DPP6: variants seen among roughly 807,000 people sequenced by gnomAD.
DPP6 encodes A-type potassium channel modulatory protein DPP6.
Under a neutral mutation model 122.6 loss-of-function variants are expected in DPP6, and 69 were observed. The ratio of observed to expected loss-of-function variants is 0.56; its 90% confidence interval spans 0.46 to 0.69. DPP6 has a LOEUF of 0.69. DPP6 is among the 30% of genes least tolerant of loss of function. The probability of loss-of-function intolerance (pLI) is 0.00; values close to 1 mark genes in which losing one functional copy is unlikely to be tolerated. For synonymous variants in DPP6, 418 were observed against 433.1 expected (o/e 0.97, Z 0.43); for missense variants, 928 against 1,116.9 (o/e 0.83, Z 2.41).
intron 1 of DPP6, among the ~76,000 whole-genome samples, chr7:153,953,035 G>A (rs1341842356): frequency 6.6e-6 from 1 of 152,134 alleles, no homozygotes; most frequent in Non-Finnish European, 1.5e-5. Flanking sequence ...GAAGGTGGGA[G>A]GAAGGGAGAT....
At chr7:154,110,467 T>C (rs2533699) in intron 1 of DPP6, among the ~76,000 whole-genome samples, 4 of 152,128 alleles carry the variant, frequency 2.6e-5, no homozygotes, top group African/African-American at 7.2e-5. Context: ...GCGGTGAATA[T>C]ACAATAACAG....
intron 5 of DPP6, among the ~76,000 whole-genome samples, chr7:154,627,876 G>T (rs775294984): frequency 1.2e-4 from 19 of 152,208 alleles, no homozygotes; most frequent in African/African-American, 4.3e-4. Context: ...TCTTGGGAAG[G>T]GGGCAGTGTG....
intron 20 of DPP6, among the ~76,000 whole-genome samples, chr7:154,878,961 T>C (rs1805113275): frequency 6.6e-6 from 1 of 152,194 alleles, no homozygotes; most frequent in Non-Finnish European, 1.5e-5. Context: ...CCCAAAATAT[T>C]GAGACCTGCT....
At chr7:154,872,580 C>A in intron 18 of DPP6, 44 bp from the exon 19 acceptor site, 1 of 1,564,050 alleles carries the variant, frequency 6.4e-7, no homozygotes. Context: ...TACCCCGTGG[C>A]CAGCATTGCC....
At chr7:154,199,788 A>G (rs990505725) in intron 1 of DPP6, among the ~76,000 whole-genome samples, 15 of 151,896 alleles carry the variant, frequency 9.9e-5, no homozygotes, top group Non-Finnish European at 2.2e-4. Flanking sequence ...TTGTGCTTTT[A>G]GTAGAGACAG....
chr7:154,375,961 C>T (rs1215285352), intron 1 of DPP6, among the ~76,000 whole-genome samples: 1 of 152,186 alleles, frequency 6.6e-6, no homozygotes, highest in African/African-American at 2.4e-5. Flanking sequence ...CCTCGAGGGG[C>T]CCAGCTAGGT....
At chr7:153,934,742 G>C (rs1168863472) in intron 1 of DPP6, among the ~76,000 whole-genome samples, 1 of 152,102 alleles carries the variant, frequency 6.6e-6, no homozygotes, top group African/African-American at 2.4e-5. Flanking sequence ...ACCTTGTTTT[G>C]CTACAAAACC....
chr7:154,022,971 A>G (rs1303508790), intron 1 of DPP6, among the ~76,000 whole-genome samples: 2 of 152,176 alleles, frequency 1.3e-5, no homozygotes, highest in African/African-American at 4.8e-5. Flanking sequence ...AAGGGTCAGT[A>G]CAAAGCCAAT....
intron 1 of DPP6, among the ~76,000 whole-genome samples, chr7:154,233,439 C>T (rs1377630741): frequency 6.6e-6 from 1 of 152,272 alleles, no homozygotes. Flanking sequence ...ATGTTGAAGT[C>T]CTAACCCCCG....
intron 19 of DPP6, among the ~76,000 whole-genome samples, chr7:154,874,744 C>A (rs1804706667): frequency 6.6e-6 from 1 of 152,178 alleles, no homozygotes; most frequent in African/African-American, 2.4e-5. Context: ...CCCTGCTGTT[C>A]CAGGGAGGCA....
intron 17 of DPP6, among the ~76,000 whole-genome samples, chr7:154,859,072 C>A (rs1243801099): frequency 6.6e-6 from 1 of 152,212 alleles, no homozygotes; most frequent in African/African-American, 2.4e-5. Context: ...CCCCAGACCC[C>A]AAGACCCAGG....
At chr7:153,983,137 T>C (rs1796675136) in intron 1 of DPP6, among the ~76,000 whole-genome samples, 1 of 152,250 alleles carries the variant, frequency 6.6e-6, no homozygotes, top group Non-Finnish European at 1.5e-5. Flanking sequence ...CTGCTGAAGC[T>C]GCGCCCACAG....
intron 1 of DPP6, among the ~76,000 whole-genome samples, chr7:154,267,531 T>C (rs1050407444): frequency 4.6e-5 from 7 of 151,108 alleles, no homozygotes; most frequent in African/African-American, 1.2e-4. Flanking sequence ...TATATGCGTG[T>C]ACATATTTAT....
At position 154,893,709 on chromosome 7, in the gene DPP6, T is replaced by A. The variant is rs1055083234; in HGVS notation, c.*1229T>A. 1 of 152,240 alleles carries A rather than the reference T, an allele frequency of 6.6e-6. No individual in the cohort carries two copies. Among genetic ancestry groups the A allele is most frequent in the East Asian group, 1.9e-4 (1 of 5,158 alleles). 9.4% of individuals were successfully genotyped at this position (152,240 alleles called of 1,614,324 possible). On this transcript the variant is annotated 3_prime_UTR_variant, in exon 26 of 26. Coordinates refer to ENST00000377770, the MANE Select transcript of DPP6 (RefSeq NM_130797.4). ...TCCCAGTGTATATTTCATTCTCTTGTATATAAAGGAAGCAATGTGTGTCAG... is the reference window on the plus strand; with the variant it reads ...TCCCAGTGTATATTTCATTCTCTTGAATATAAAGGAAGCAATGTGTGTCAG...
intron 1 of DPP6, among the ~76,000 whole-genome samples, chr7:154,185,177 G>A (rs929709703): frequency 6.6e-6 from 1 of 152,198 alleles, no homozygotes; most frequent in Non-Finnish European, 1.5e-5. Flanking sequence ...GCATTCAAAT[G>A]TATGGTATGC....
intron 1 of DPP6, among the ~76,000 whole-genome samples, chr7:154,099,073 TGCA>T (rs1355464315): frequency 6.6e-6 from 1 of 152,202 alleles, no homozygotes. Context: ...GCACATATTT[TGCA>T]GAGAGTAAAA....
chr7:154,238,894 G>A (rs1801391263), intron 1 of DPP6, among the ~76,000 whole-genome samples: 1 of 152,192 alleles, frequency 6.6e-6, no homozygotes, highest in African/African-American at 2.4e-5. Flanking sequence ...AACAGATCGG[G>A]CTTCAAATAT....
intron 1 of DPP6, among the ~76,000 whole-genome samples, chr7:153,933,086 C>G (rs1284724839): frequency 1.3e-5 from 2 of 152,184 alleles, no homozygotes; most frequent in African/African-American, 4.8e-5. Context: ...GCCCCCTCAG[C>G]CACATGAAAC....
At chr7:154,073,951 A>G (rs2150513857) in intron 1 of DPP6, among the ~76,000 whole-genome samples, 1 of 152,308 alleles carries the variant, frequency 6.6e-6, no homozygotes, top group Admixed American at 6.5e-5. Context: ...GTGCCACTGC[A>G]CTCCAGCCTG....
Sources: gnomAD v4.1 joint callset for allele counts (sites outside exome capture counted in the v4.1 genomes callset) on GRCh38, gnomAD v4.1.1 for gene constraint, MANE v1.5 for transcripts, NCBI Gene and HGNC (gene_info 2026-07-23, HGNC 2026-07-21) for gene names.